ATP9B: variants seen among roughly 807,000 people sequenced by gnomAD.
ATP9B encodes ATPase phospholipid transporting 9B, also known as probable phospholipid-transporting ATPase IIB.
ATP9B carries 110 observed loss-of-function variants against 146.1 expected under a neutral mutation model. The observed-to-expected ratio is 0.75, with a 90% CI of 0.65 to 0.88. The LOEUF (loss-of-function observed/expected upper bound fraction) is 0.88, where lower values mean the gene tolerates loss of function less well. Ranked by LOEUF, ATP9B falls within the 40% of genes least tolerant of loss-of-function variation. ATP9B has a pLI of 0.00. For synonymous variants in ATP9B, 604 were observed against 569.7 expected (o/e 1.06, Z -0.86); for missense variants, 1,499 against 1,496.4 (o/e 1.00, Z -0.03).
chr18:79,295,598 T>C (rs79865457), intron 13 of ATP9B, among the ~76,000 whole-genome samples: 4,924 of 152,354 alleles, frequency 0.032, 120 homozygotes, highest in Non-Finnish European at 0.042. Flanking sequence ...AGAATAGCTT[T>C]ATTCACAATG....
intron 29 of ATP9B, among the ~76,000 whole-genome samples, chr18:79,376,696 CT>C (rs35556122): frequency 5.0e-3 from 646 of 129,236 alleles, no homozygotes; most frequent in Non-Finnish European, 5.6e-3. Flanking sequence ...GGCCTACAAC[CT>C]TTTTTTTTTT....
At chr18:79,084,476 A>T (rs1469489115) in intron 1 of ATP9B, among the ~76,000 whole-genome samples, 1 of 152,156 alleles carries the variant, frequency 6.6e-6, no homozygotes, top group Non-Finnish European at 1.5e-5. Context: ...ATTTTGCTAT[A>T]AACTTAATTC....
intron 3 of ATP9B, among the ~76,000 whole-genome samples, chr18:79,111,020 T>A (rs1352680607): frequency 6.6e-6 from 1 of 152,202 alleles, no homozygotes; most frequent in African/African-American, 2.4e-5. Context: ...TCAGACCTTC[T>A]TATATTGTTA....
chr18:79,245,561 G>GACTGTGCAGAGGGCACCA (rs2095937777), intron 11 of ATP9B, among the ~76,000 whole-genome samples: 2 of 67,294 alleles, frequency 3.0e-5, no homozygotes, highest in African/African-American at 8.6e-5. Context: ...GGAGGGCACC[G>GACTGTGCAGAGGGCACCA]CCCTACTGAC....
At chr18:79,158,260 G>C (rs2094825532) in intron 7 of ATP9B, among the ~76,000 whole-genome samples, 1 of 151,816 alleles carries the variant, frequency 6.6e-6, no homozygotes, top group Non-Finnish European at 1.5e-5. Flanking sequence ...TTTATTTTTA[G>C]TTTTTATTTT....
At chr18:79,133,231 C>T (rs2094403313) in intron 5 of ATP9B, among the ~76,000 whole-genome samples, 1 of 152,064 alleles carries the variant, frequency 6.6e-6, no homozygotes, top group African/African-American at 2.4e-5. Flanking sequence ...TTTCCGTGGT[C>T]TGACACCTGA....
At chr18:79,160,833 G>A (rs892348131) in intron 7 of ATP9B, among the ~76,000 whole-genome samples, 2 of 152,068 alleles carry the variant, frequency 1.3e-5, no homozygotes, top group African/African-American at 2.4e-5. Context: ...GTGCAGTGGC[G>A]CGATCTCGGC....
chr18:79,091,762 C>G (rs546309893), intron 1 of ATP9B, among the ~76,000 whole-genome samples: 3 of 152,168 alleles, frequency 2.0e-5, no homozygotes, highest in Non-Finnish European at 4.4e-5. Flanking sequence ...TGGATTCCCC[C>G]TATATGTTTC....
At chr18:79,231,776 GTGTATATA>G (rs1334092766) in intron 11 of ATP9B, among the ~76,000 whole-genome samples, 5 of 94,984 alleles carry the variant, frequency 5.3e-5, no homozygotes, top group Admixed American at 1.1e-4. Context: ...ATGTGTGTGT[GTGTATATA>G]TATATATATA....
At chr18:79,327,597 C>T (rs112998344) in intron 15 of ATP9B, among the ~76,000 whole-genome samples, 3,026 of 65,746 alleles carry the variant, frequency 0.046, 290 homozygotes, top group Non-Finnish European at 0.056. Flanking sequence ...GTTAACGTGC[C>T]CTCCGTGGTT....
At chr18:79,366,632 A>G (rs1462891102) in intron 26 of ATP9B, among the ~76,000 whole-genome samples, 2 of 152,234 alleles carry the variant, frequency 1.3e-5, no homozygotes, top group Non-Finnish European at 2.9e-5. Flanking sequence ...AAACACGGAC[A>G]TGTGTGAGCA....
intron 7 of ATP9B, among the ~76,000 whole-genome samples, chr18:79,171,043 G>A (rs573192931): frequency 6.6e-6 from 1 of 152,156 alleles, no homozygotes; most frequent in African/African-American, 2.4e-5. Context: ...CTTTGCTAAT[G>A]AGCATATTTT....
At chr18:79,076,193 A>C (rs896804433) in intron 1 of ATP9B, among the ~76,000 whole-genome samples, 1 of 152,214 alleles carries the variant, frequency 6.6e-6, no homozygotes, top group Non-Finnish European at 1.5e-5. Context: ...GCTTTCTCTC[A>C]ATCTAGAATA....
chr18:79,120,568 G>A (rs140782612), intron 4 of ATP9B, among the ~76,000 whole-genome samples: 28 of 152,212 alleles, frequency 1.8e-4, no homozygotes, highest in African/African-American at 6.0e-4. Context: ...ACATTTTTGT[G>A]TCTGGATGAA....
intron 12 of ATP9B, among the ~76,000 whole-genome samples, chr18:79,266,188 A>G (rs1397238474): frequency 6.6e-6 from 1 of 152,128 alleles, no homozygotes; most frequent in Non-Finnish European, 1.5e-5. Context: ...AAGTCTTCTC[A>G]AATTTTGTTA....
intron 13 of ATP9B, among the ~76,000 whole-genome samples, chr18:79,300,389 G>GT (rs955853056): frequency 1.1e-4 from 17 of 152,196 alleles, no homozygotes; most frequent in African/African-American, 4.1e-4. Flanking sequence ...AGGAGGCTGA[G>GT]TGGGAGGTCT....
intron 15 of ATP9B, among the ~76,000 whole-genome samples, chr18:79,320,988 A>G (rs2146886890): frequency 6.6e-6 from 1 of 152,346 alleles, no homozygotes; most frequent in Middle Eastern, 3.4e-3. Flanking sequence ...TAGGAAGATA[A>G]TAGACTCAAA....
chr18:79,297,374 CAG>C (rs1347896547), intron 13 of ATP9B, among the ~76,000 whole-genome samples: 1 of 150,992 alleles, frequency 6.6e-6, no homozygotes, highest in Non-Finnish European at 1.5e-5. Flanking sequence ...ACAGACGACC[CAG>C]AGAGAAGACA....
chr18:79,344,856 C>T (rs778243877), intron 21 of ATP9B, among the ~76,000 whole-genome samples: 16 of 152,338 alleles, frequency 1.1e-4, no homozygotes, highest in African/African-American at 3.1e-4. Context: ...ATGTTGCATC[C>T]GCTGGAGCAG....
Sources: gnomAD v4.1 joint callset for allele counts (sites outside exome capture counted in the v4.1 genomes callset) on GRCh38, gnomAD v4.1.1 for gene constraint, MANE v1.5 for transcripts, NCBI Gene and HGNC (gene_info 2026-07-23, HGNC 2026-07-21) for gene names.